Variants in NEDD9 observed in about 807,000 individuals in gnomAD.
NEDD9 encodes neural precursor cell expressed, developmentally down-regulated 9, also known as enhancer of filamentation 1.
NEDD9 carries 26 observed loss-of-function variants against 76.6 expected under a neutral mutation model. The ratio of observed to expected loss-of-function variants is 0.34; its 90% CI spans 0.25 to 0.47. The LOEUF (loss-of-function observed/expected upper bound fraction) is 0.47, where lower values mean the gene tolerates loss of function less well. Among genes scored for constraint, NEDD9 ranks in the 20% least tolerant of loss-of-function variants. The pLI, the probability that NEDD9 is intolerant of heterozygous loss-of-function variation, is 1.00. For missense variants in NEDD9, 937 were observed against 1,058.5 expected (o/e 0.89, Z 1.59); for synonymous variants, 392 against 414.2 (o/e 0.95, Z 0.65).
At chr6:11,362,256 C>T (rs1361267588) in intron 1 of NEDD9, among the ~76,000 whole-genome samples, 1 of 152,150 alleles carries the variant, frequency 6.6e-6, no homozygotes, top group Non-Finnish European at 1.5e-5. Context: ...AACAGGCACC[C>T]TATTTCAGAA....
chr6:11,231,341 CT>C (rs1266912495), intron 1 of NEDD9, among the ~76,000 whole-genome samples: 2 of 152,200 alleles, frequency 1.3e-5, no homozygotes, highest in Non-Finnish European at 2.9e-5. Context: ...AGACTTAAAG[CT>C]TTTGAATAAG....
intron 2 of NEDD9, among the ~76,000 whole-genome samples, chr6:11,317,799 A>G (rs1284388891): frequency 6.6e-6 from 1 of 152,198 alleles, no homozygotes; most frequent in African/African-American, 2.4e-5. Context: ...CTATGCGTCC[A>G]CCTGACTAGG....
chr6:11,226,768 G>A (rs531490402), intron 1 of NEDD9, among the ~76,000 whole-genome samples: 38 of 152,140 alleles, frequency 2.5e-4, no homozygotes, highest in African/African-American at 7.2e-4. Flanking sequence ...ATCTTTGTGG[G>A]TATGTGTATA....
chr6:11,311,411 C>T (rs927852021), intron 2 of NEDD9, among the ~76,000 whole-genome samples: 12 of 152,258 alleles, frequency 7.9e-5, no homozygotes, highest in Non-Finnish European at 1.5e-4. Context: ...CCAACCCTAC[C>T]GACCCGTTGG....
At position 11,261,338 on chromosome 6, in the gene NEDD9, T is replaced by G. The variant is rs566066534; in HGVS notation, c.12+44654A>C. Among the ~76,000 whole-genome samples the G allele has an allele frequency of 2.6e-5, 4 of 152,360 alleles. No individual in the cohort carries two copies. The South Asian group carries it at 6.2e-4, about 24-fold the overall frequency. Reference sequence around the variant, plus strand: ...CAAAACTGAGTCTTTGGAGGATAAGTAACTTTCTCCCTGGTATTCTGCAGA... The same window carrying G: ...CAAAACTGAGTCTTTGGAGGATAAGGAACTTTCTCCCTGGTATTCTGCAGA... On this transcript the variant is annotated intron_variant, in intron 3 of 3. Transcript: ENST00000397378.
intron 3 of NEDD9, among the ~76,000 whole-genome samples, chr6:11,243,438 C>G (rs955113477): frequency 2.0e-5 from 3 of 152,222 alleles, no homozygotes; most frequent in South Asian, 2.1e-4. Context: ...ATTTCTGCAC[C>G]TACCTGTTGG....
At chr6:11,375,830 C>A (rs1042753227) in intron 1 of NEDD9, among the ~76,000 whole-genome samples, 1 of 150,302 alleles carries the variant, frequency 6.7e-6, no homozygotes, top group Non-Finnish European at 1.5e-5. Context: ...TTTCTTTTTT[C>A]TTTCTTTTTT....
At chr6:11,294,710 T>C (rs1405107820) in intron 3 of NEDD9, among the ~76,000 whole-genome samples, 2 of 152,194 alleles carry the variant, frequency 1.3e-5, no homozygotes, top group African/African-American at 4.8e-5. Context: ...CCTTTTCCCA[T>C]ATCCTCACAA....
intron 2 of NEDD9, among the ~76,000 whole-genome samples, chr6:11,316,529 T>C (rs564659244): frequency 6.6e-6 from 1 of 152,310 alleles, no homozygotes; most frequent in Admixed American, 6.5e-5. Flanking sequence ...TCCTGGACTG[T>C]TGCAATTGTC....
At chr6:11,236,755 C>T (rs973853502), upstream of NEDD9, among the ~76,000 whole-genome samples, 6 of 152,216 alleles carry the variant, frequency 3.9e-5, no homozygotes, top group East Asian at 1.9e-4. This position sits in a 1 kb window ranked among gnomAD's most constrained non-coding sequence, Gnocchi z 5.5. Flanking sequence ...CTATCTTCCA[C>T]GTTGCTCACT....
chr6:11,232,370 T>C, intron 1 of NEDD9, 134 bp downstream of exon 1: 1 of 1,099,654 alleles, frequency 9.1e-7, no homozygotes, highest in East Asian at 2.4e-5. Flanking sequence ...CATGTCAACC[T>C]CAGTGACCGA....
intron 2 of NEDD9, among the ~76,000 whole-genome samples, chr6:11,208,585 T>C (rs1422559779): frequency 3.3e-5 from 5 of 152,242 alleles, no homozygotes; most frequent in Non-Finnish European, 4.4e-5. Context: ...GGCTGCTATC[T>C]GTGGGCTGAT....
intron 2 of NEDD9, among the ~76,000 whole-genome samples, chr6:11,309,706 A>G (rs1761307608): frequency 6.6e-6 from 1 of 152,116 alleles, no homozygotes; most frequent in African/African-American, 2.4e-5. Flanking sequence ...TTAGTGTGTC[A>G]CCACCCCTCT....
intron 2 of NEDD9, among the ~76,000 whole-genome samples, chr6:11,321,811 C>G (rs1761811376): frequency 6.6e-6 from 1 of 152,142 alleles, no homozygotes; most frequent in Admixed American, 6.5e-5. Flanking sequence ...ACAAACCTTC[C>G]AGGAAAGTCT....
chr6:11,325,438 G>A (rs1296137218), intron 2 of NEDD9, among the ~76,000 whole-genome samples: 1 of 151,820 alleles, frequency 6.6e-6, no homozygotes, highest in Non-Finnish European at 1.5e-5. Flanking sequence ...CCACTGTTCT[G>A]GTAAGAATGA....
At chr6:11,310,084 T>C (rs1355877649) in intron 2 of NEDD9, among the ~76,000 whole-genome samples, 1 of 152,132 alleles carries the variant, frequency 6.6e-6, no homozygotes, top group African/African-American at 2.4e-5. Context: ...GCTCTGAGCG[T>C]TGTGGCAGCA....
chr6:11,303,506 A>G lies in NEDD9; in HGVS notation c.12+2486T>C, dbSNP rs145941147. ...ACCTGACTTTCTTTACGTAATTGGA[A>G]AAAACTACTTAAAAGAACAAAGCTG... On this transcript the variant is annotated intron_variant, in intron 3 of 3. Coordinates refer to the NEDD9 transcript ENST00000397378. Among the ~76,000 whole-genome samples, 47 of 151,808 alleles carry G rather than the reference A, an allele frequency of 3.1e-4. No homozygotes were observed. In the East Asian group the frequency reaches 7.0e-3, roughly 22 times the overall value.
intron 1 of NEDD9, among the ~76,000 whole-genome samples, chr6:11,373,553 A>C (rs1309350262): frequency 2.0e-5 from 3 of 152,204 alleles, no homozygotes; most frequent in Non-Finnish European, 4.4e-5. Flanking sequence ...AAGCTTCTTG[A>C]AAATAGGGAT....
intron 3 of NEDD9, among the ~76,000 whole-genome samples, chr6:11,290,082 T>C (rs553398433): frequency 5.3e-5 from 8 of 152,346 alleles, no homozygotes; most frequent in African/African-American, 1.7e-4. Context: ...ACAGGAGTTC[T>C]TTCCACTCGT....
Sources: allele counts gnomAD v4.1 joint callset (sites outside exome capture counted in the v4.1 genomes callset), GRCh38; gene constraint gnomAD v4.1.1; non-coding constraint Gnocchi (gnomAD v3.1); transcripts MANE v1.5; gene names NCBI Gene and HGNC (gene_info 2026-07-23, HGNC 2026-07-21).